The following ARFGEF1 variants were observed in gnomAD, a reference collection of about 807,000 sequenced individuals.
ARFGEF1 encodes brefeldin A-inhibited guanine nucleotide-exchange protein 1.
Under a neutral mutation model 231.0 loss-of-function variants are expected in ARFGEF1, and 42 were observed. The ratio of observed to expected loss-of-function variants is 0.18; its 90% confidence interval spans 0.14 to 0.24. The LOEUF (loss-of-function observed/expected upper bound fraction) is 0.24. ARFGEF1 is among the 10% of genes least tolerant of loss of function. ARFGEF1 has a pLI of 1.00. For synonymous variants in ARFGEF1, 710 were observed against 732.3 expected (o/e 0.97, Z 0.49); for missense variants, 1,345 against 2,192.0 (o/e 0.61, Z 7.72).
At chr8:67,241,714 A>G (rs935532997) in intron 19 of ARFGEF1, among the ~76,000 whole-genome samples, 2 of 152,152 alleles carry the variant, frequency 1.3e-5, no homozygotes, top group African/African-American at 4.8e-5. Context: ...TTTAACAACT[A>G]TCTACACACA....
intron 1 of ARFGEF1, among the ~76,000 whole-genome samples, chr8:67,340,786 C>T (rs752285361): frequency 2.0e-4 from 31 of 152,192 alleles, no homozygotes; most frequent in Non-Finnish European, 4.0e-4. Flanking sequence ...TCACATTCCT[C>T]GTAACAAGCT....
intron 29 of ARFGEF1, among the ~76,000 whole-genome samples, chr8:67,221,954 C>T (rs1839178760): frequency 6.6e-6 from 1 of 151,370 alleles, no homozygotes; most frequent in African/African-American, 2.4e-5. Flanking sequence ...GCTGGGACTA[C>T]AGGTGCCCAC....
intron 7 of ARFGEF1, among the ~76,000 whole-genome samples, chr8:67,284,906 T>C (rs1235206372): frequency 1.3e-5 from 2 of 152,136 alleles, no homozygotes; most frequent in East Asian, 3.9e-4. Context: ...AAGTTGAAGG[T>C]GAACCTGGAA....
At position 67,300,659 on chromosome 8, in the gene ARFGEF1, TC is replaced by T. The variant is rs1286703714; in HGVS notation, c.312+564del. On this transcript the variant is annotated intron_variant, in intron 3 of 38. Transcript: ENST00000262215. ...CCAACATGGTGAAACTCTTGTCTCT[TC>T]AAAAAAAAAAAAAAAAAAAAAAAAA... Among the ~76,000 whole-genome samples the T allele has an allele frequency of 1.4e-3, 81 of 58,534 alleles. 1 individual carries two copies. Among genetic ancestry groups the T allele is most frequent in the African/African-American group, 8.1e-3 (78 of 9,678 alleles). 38.4% of individuals were successfully genotyped at this position (58,534 alleles called of 152,430 possible).
chr8:67,328,932 TAAA>T (rs1433861049), intron 1 of ARFGEF1, among the ~76,000 whole-genome samples: 1 of 152,040 alleles, frequency 6.6e-6, no homozygotes, highest in African/African-American at 2.4e-5. Context: ...TTTTTTAAAA[TAAA>T]AAATTCAGGG....
At position 67,258,233 on chromosome 8, in the gene ARFGEF1, C is replaced by T. The variant is rs765051169; in HGVS notation, c.2293G>A (p.Ala765Thr). The part of the protein sequence containing the change: ...NDKFNKEVMY[A>T]YVDQHDFSGK... ...GAAAAGTCATGTTGGTCCACATATG[C>T]ATACATGACTTCTTTGTTAAATTTA... The change falls in exon 16 of 39, where the codon GCA becomes ACA. Residue 765 changes from alanine (A) to threonine (T), a missense_variant. By Grantham distance (58) the Ala-to-Thr change is moderately conservative. Transcript: ENST00000262215. The T allele has an allele frequency of 5.6e-6, 9 of 1,610,936 alleles. No homozygotes were observed. The highest frequency in any genetic ancestry group is 7.6e-6 in the Non-Finnish European group (9 of 1,177,396).
chr8:67,304,727 A>G (rs1806656836), intron 1 of ARFGEF1, among the ~76,000 whole-genome samples: 1 of 152,162 alleles, frequency 6.6e-6, no homozygotes, highest in East Asian at 1.9e-4. Flanking sequence ...GCTGAGGCAC[A>G]GGAATCGCTT....
chr8:67,218,591 T>C (rs1839038542), intron 30 of ARFGEF1, among the ~76,000 whole-genome samples: 1 of 151,928 alleles, frequency 6.6e-6, no homozygotes, highest in Non-Finnish European at 1.5e-5. Context: ...GAAGTATGGT[T>C]ATCTGAAAAC....
intron 5 of ARFGEF1, among the ~76,000 whole-genome samples, chr8:67,191,812 A>C (rs1171341813): frequency 6.6e-6 from 1 of 152,146 alleles, no homozygotes; most frequent in Non-Finnish European, 1.5e-5. Context: ...TGTATTTAGC[A>C]TTTTGAGGAA....
At chr8:67,222,225 G>GTT (rs1439553779) in intron 29 of ARFGEF1, among the ~76,000 whole-genome samples, 1 of 64,076 alleles carries the variant, frequency 1.6e-5, no homozygotes, top group Non-Finnish European at 3.2e-5. Context: ...ATATATATAT[G>GTT]TATATGTATG....
At chr8:67,284,123 A>G (rs1254578631) in intron 7 of ARFGEF1, among the ~76,000 whole-genome samples, 2 of 152,196 alleles carry the variant, frequency 1.3e-5, no homozygotes, top group African/African-American at 2.4e-5. Context: ...ATATATCTGC[A>G]TAAGGTAGTA....
chr8:67,333,016 TATTATTGCCTTAAAA>T (rs1368500681), intron 1 of ARFGEF1, among the ~76,000 whole-genome samples: 1 of 151,874 alleles, frequency 6.6e-6, no homozygotes, highest in African/African-American at 2.4e-5. Flanking sequence ...TTTTTCCTCC[TATTATTGCCTTAAAA>T]ATTAAATACT....
At chr8:67,265,029 C>A (rs550908351) in intron 14 of ARFGEF1, among the ~76,000 whole-genome samples, 1 of 152,240 alleles carries the variant, frequency 6.6e-6, no homozygotes, top group South Asian at 2.1e-4. Flanking sequence ...AGACCAAGAG[C>A]CTCTCAGAAG....
intron 5 of ARFGEF1, chr8:67,190,857 G>A (rs1836030478): frequency 2.4e-6 from 2 of 846,662 alleles, no homozygotes; most frequent in Admixed American, 2.1e-5. Flanking sequence ...AAGAGCACTT[G>A]CTTGAAATTC....
chr8:67,273,594 T>C (rs1268662332), intron 9 of ARFGEF1, among the ~76,000 whole-genome samples: 1 of 152,056 alleles, frequency 6.6e-6, no homozygotes, highest in Non-Finnish European at 1.5e-5. Context: ...TTCACGTAAA[T>C]GGGTATCACA....
intron 5 of ARFGEF1, among the ~76,000 whole-genome samples, chr8:67,177,091 A>AAAAAAAAT (rs1831872801): frequency 6.6e-6 from 1 of 151,872 alleles, no homozygotes; most frequent in African/African-American, 2.4e-5. Flanking sequence ...AAAAAAAAAA[A>AAAAAAAAT]AAGAATATGG....
At chr8:67,311,581 G>A (rs1489857095) in intron 1 of ARFGEF1, among the ~76,000 whole-genome samples, 4 of 144,750 alleles carry the variant, frequency 2.8e-5, no homozygotes, top group Non-Finnish European at 3.0e-5. Flanking sequence ...TCAGCCCCCC[G>A]CCTGGCCAGC....
intron 19 of ARFGEF1, among the ~76,000 whole-genome samples, chr8:67,247,859 G>C (rs1044309959): frequency 3.3e-5 from 5 of 150,418 alleles, no homozygotes; most frequent in African/African-American, 1.2e-4. Context: ...ATTCAGTAAA[G>C]CTGCAGGATA....
intron 1 of ARFGEF1, among the ~76,000 whole-genome samples, chr8:67,333,488 A>AT (rs1808201792): frequency 6.7e-6 from 1 of 150,064 alleles, no homozygotes; most frequent in African/African-American, 2.5e-5. Context: ...TTTTTTTAGT[A>AT]TTTTTTGTAG....
Sources: allele counts gnomAD v4.1 joint callset (sites outside exome capture counted in the v4.1 genomes callset), GRCh38; gene constraint gnomAD v4.1.1; transcripts MANE v1.5; gene names NCBI Gene and HGNC (gene_info 2026-07-23, HGNC 2026-07-21).